TOPBP1: variants seen among roughly 807,000 people sequenced by gnomAD.
The protein encoded by TOPBP1 is DNA topoisomerase II binding protein 1.
Under a neutral mutation model 167.7 loss-of-function variants are expected in TOPBP1, and 28 were observed. That is an observed-to-expected ratio of 0.17 (90% CI 0.12 to 0.23). The LOEUF (loss-of-function observed/expected upper bound fraction) is 0.23, where lower values mean the gene tolerates loss of function less well. Among genes scored for constraint, TOPBP1 ranks in the 10% least tolerant of loss-of-function variants. The pLI, the probability that TOPBP1 is intolerant of heterozygous loss-of-function variation, is 1.00. For missense variants in TOPBP1, 1,554 were observed against 1,809.6 expected, an observed-to-expected ratio of 0.86 and a Z score of 2.56; for synonymous variants, 598 against 611.4, an observed-to-expected ratio of 0.98 and a Z score of 0.32.
chr3:133,653,605 A>C, intron 6 of TOPBP1, 81 bp from the exon 7 acceptor site: 3 of 1,237,326 alleles, frequency 2.4e-6, no homozygotes, highest in Non-Finnish European at 3.2e-6. Context: ...CTTTGCAGAA[A>C]TATTCAAATT....
chr3:133,642,592 T>C (rs1055360475), intron 12 of TOPBP1, among the ~76,000 whole-genome samples: 1 of 152,222 alleles, frequency 6.6e-6, no homozygotes, highest in African/African-American at 2.4e-5. Context: ...TTTGATTATT[T>C]TGGCAAGACT....
intron 14 of TOPBP1, among the ~76,000 whole-genome samples, chr3:133,630,359 C>T (rs1935428373): frequency 6.6e-6 from 1 of 150,714 alleles, no homozygotes; most frequent in East Asian, 2.0e-4. Context: ...AGTACAGTGG[C>T]ATGATTATAG....
chr3:133,635,199 A>C (rs1235484327), intron 14 of TOPBP1, among the ~76,000 whole-genome samples: 1 of 152,102 alleles, frequency 6.6e-6, no homozygotes, highest in Non-Finnish European at 1.5e-5. Context: ...CAAGTGATCC[A>C]CCTCAGCCTC....
At chr3:133,607,215 C>T (rs550583967) in intron 27 of TOPBP1, among the ~76,000 whole-genome samples, 8 of 152,090 alleles carry the variant, frequency 5.3e-5, no homozygotes, top group East Asian at 3.9e-4. Flanking sequence ...GTTGAGCAAC[C>T]GAAACCCAGA....
At chr3:133,639,772 T>C (rs955831832) in intron 13 of TOPBP1, among the ~76,000 whole-genome samples, 187 bp downstream of exon 13, 1 of 152,002 alleles carries the variant, frequency 6.6e-6, no homozygotes, top group African/African-American at 2.4e-5. Context: ...CTATGAGCCA[T>C]AGAAAGAATC....
chr3:133,649,017 A>C (rs1936186970), intron 10 of TOPBP1, among the ~76,000 whole-genome samples: 1 of 152,186 alleles, frequency 6.6e-6, no homozygotes, highest in African/African-American at 2.4e-5. Context: ...ATAAGAGTAC[A>C]TACTGAGGTG....
chr3:133,645,112 T>C (rs1293750260), intron 10 of TOPBP1, among the ~76,000 whole-genome samples: 2 of 152,240 alleles, frequency 1.3e-5, no homozygotes, highest in South Asian at 2.1e-4. Context: ...CACCATGTTA[T>C]AGTGCCATCT....
At chr3:133,637,649 G>C (rs1935724341) in intron 14 of TOPBP1, among the ~76,000 whole-genome samples, 1 of 152,168 alleles carries the variant, frequency 6.6e-6, no homozygotes, top group Non-Finnish European at 1.5e-5. Flanking sequence ...GATCGATCCA[G>C]TACTTGAACC....
At position 133,628,424 on chromosome 3, in the gene TOPBP1, T is replaced by A. The variant is rs1352115756; in HGVS notation, c.2742A>T (p.Lys914Asn). Residue 914 changes from lysine (K) to asparagine (N), a missense_variant, in exon 16 of 28, where the codon AAA becomes AAT. Around this residue, in one of 3 missense-constraint regions of TOPBP1, gnomAD observed 1,197 missense variants for 1,351.5 expected, o/e 0.89. Transcript: ENST00000260810. ...PLHKVVVCVSKKLSKKQSELN... is the reference protein window; with the variant it reads ...PLHKVVVCVSNKLSKKQSELN... ...GTTCACTCTGCTTCTTACTGAGTTT[T>A]TTACTAACACATACCACTACTTTGT... The A allele has an allele frequency of 2.5e-6, 4 of 1,611,182 alleles. No homozygotes were observed. The African/African-American group carries it at 5.3e-5, about 22-fold the overall frequency.
rs572308153 is a variant in TOPBP1 at position 133,653,424 on chromosome 3, T to C, written c.843A>G (p.Ile281Met). ...CTTCTGGTCTAGGTTCTGTCTTGTA[T>C]ATGGATTCATCCTGACAAAAACCTT... The part of the protein sequence containing the change: ...IEKGFCQDES[I>M]YKTEPRPEAK... The change falls in exon 7 of 28, where the codon ATA (isoleucine) becomes ATG (methionine). Residue 281 changes from isoleucine (I) to methionine (M), a missense_variant. Physicochemically the swap from Ile to Met is conservative, Grantham distance 10. Transcript: ENST00000260810. The C allele has an allele frequency of 1.9e-6, 3 of 1,613,336 alleles. No individual in the cohort carries two copies. The highest frequency in any genetic ancestry group is 1.7e-4 in the Middle Eastern group (1 of 6,058).
chr3:133,622,177 C>A (rs1355058796), intron 19 of TOPBP1, among the ~76,000 whole-genome samples: 1 of 140,464 alleles, frequency 7.1e-6, no homozygotes, highest in Non-Finnish European at 1.5e-5. Context: ...TAGTAGTCCA[C>A]CATTTATGTT....
chr3:133,644,175 T>C lies in TOPBP1; in HGVS notation c.1693A>G (p.Asn565Asp). 6.2e-7 allele frequency: 1 copy of C among 1,613,914 alleles called. No homozygotes were observed. ...TTTGCGATGTTAGATTCATTTTCAT[T>C]ACTAAAACCCAAAACAAGGAAACTC... ...QKSFLVLGFS[N>D]ENESNIANII... Residue 565 changes from asparagine (N) to aspartate (D), a missense_variant, in exon 11 of 28, where the codon AAT becomes GAT. By Grantham distance (23) the Asn-to-Asp change is conservative. Around this residue, in one of 3 missense-constraint regions of TOPBP1, gnomAD observed 1,197 missense variants for 1,351.5 expected, o/e 0.89. Transcript: ENST00000260810.
rs527746503 is a variant in TOPBP1, at chr3:133,659,250, G to A, written c.85-100C>T. 2.4e-5 allele frequency: 30 copies of A among 1,235,208 alleles called. No individual in the cohort carries two copies. In the African/African-American group the frequency reaches 4.3e-4, roughly 18 times the overall value. 76.5% of individuals were successfully genotyped at this position (1,235,208 alleles called of 1,614,324 possible). A position where few individuals can be genotyped will look rare whatever the true frequency, so the allele number is the denominator to read the frequency against. Reference sequence around the variant, plus strand: ...AAATCCAGCCTTTTCCCTATTGAAAGCCACCATCACATCTCACTTAGACCT... The same window carrying A: ...AAATCCAGCCTTTTCCCTATTGAAAACCACCATCACATCTCACTTAGACCT... On this transcript the variant is annotated intron_variant, in intron 2 of 27. Coordinates refer to ENST00000260810, the MANE Select transcript of TOPBP1 (RefSeq NM_007027.4).
At chr3:133,610,155 T>A (rs1431193082) in intron 25 of TOPBP1, among the ~76,000 whole-genome samples, 3 of 152,096 alleles carry the variant, frequency 2.0e-5, no homozygotes, top group Non-Finnish European at 4.4e-5. Flanking sequence ...TGATTTCATA[T>A]TGTGGGAGCA....
At chr3:133,657,667 T>G in intron 4 of TOPBP1, 131 bp downstream of exon 4, 2 of 587,702 alleles carry the variant, frequency 3.4e-6, no homozygotes, top group Non-Finnish European at 5.3e-6. Context: ...ACACTGTGGT[T>G]GTATACTGAA....
At chr3:133,661,196 T>G (rs1936699430) in intron 1 of TOPBP1, 62 bp from the exon 2 acceptor site, 1 of 1,261,600 alleles carries the variant, frequency 7.9e-7, no homozygotes, top group Non-Finnish European at 1.1e-6. Context: ...GTTGCATGTT[T>G]AACCTACCTA....
chr3:133,611,327 T>A (rs1934667676), intron 24 of TOPBP1, among the ~76,000 whole-genome samples, 186 bp from the exon 25 acceptor site: 1 of 152,242 alleles, frequency 6.6e-6, no homozygotes, highest in Non-Finnish European at 1.5e-5. Context: ...TAGTTTCATA[T>A]AAGAGTCAAG....
At chr3:133,659,236 T>C in intron 2 of TOPBP1, 86 bp from the exon 3 acceptor site, 3 of 1,356,040 alleles carry the variant, frequency 2.2e-6, no homozygotes, top group South Asian at 3.0e-5. Context: ...AATCCAGCCT[T>C]TTCCCTATTG....
intron 3 of TOPBP1, 123 bp downstream of exon 3, chr3:133,658,893 A>G: frequency 9.1e-7 from 1 of 1,099,216 alleles, no homozygotes; most frequent in South Asian, 2.2e-5. Flanking sequence ...TGCCAAACCA[A>G]AAGAATTCCA....
Sources: gnomAD v4.1 joint callset for allele counts (sites outside exome capture counted in the v4.1 genomes callset) on GRCh38, gnomAD v4.1.1 for gene constraint, gnomAD v4.1.1 regional missense constraint, MANE v1.5 for transcripts, NCBI Gene and HGNC (gene_info 2026-07-23, HGNC 2026-07-21) for gene names.